The following PTPRT variants were observed in gnomAD, a reference collection of about 807,000 sequenced individuals.
PTPRT encodes protein tyrosine phosphatase receptor type T, also known as receptor-type tyrosine-protein phosphatase T.
In PTPRT, 56 loss-of-function variants were observed where a neutral mutation model predicts 176.8. The ratio of observed to expected loss-of-function variants is 0.32; its 90% CI spans 0.26 to 0.40. The LOEUF is 0.40. PTPRT is among the 10% of genes least tolerant of loss of function. PTPRT has a pLI of 1.00. For missense variants in PTPRT, 1,540 were observed against 1,908.2 expected (o/e 0.81, Z 3.60); for synonymous variants, 783 against 739.0 (o/e 1.06, Z -0.96).
chr20:42,052,216 G>C, the PTPRT span, among the ~76,000 whole-genome samples: 97,338 of 152,044 alleles, frequency 0.64, 32,482 homozygotes, highest in African/African-American at 0.83. Context: ...CTGGGACCCA[G>C]AAGACCTGGA....
chr20:42,827,528 C>G (rs1223046987), intron 2 of PTPRT, among the ~76,000 whole-genome samples: 1 of 152,066 alleles, frequency 6.6e-6, no homozygotes, highest in Admixed American at 6.5e-5. Context: ...TACAACATAC[C>G]AGAATCTCTG....
chr20:42,579,342 T>C (rs2073329041), intron 7 of PTPRT, among the ~76,000 whole-genome samples: 1 of 152,174 alleles, frequency 6.6e-6, no homozygotes, highest in Non-Finnish European at 1.5e-5. Flanking sequence ...AAGTCTTTGC[T>C]ATTGTGAATA....
chr20:42,477,210 A>T (rs1290900474), intron 7 of PTPRT, among the ~76,000 whole-genome samples: 1 of 152,060 alleles, frequency 6.6e-6, no homozygotes, highest in Admixed American at 6.5e-5. Flanking sequence ...GCTGCAACAG[A>T]CCATGTTCTG....
intron 7 of PTPRT, among the ~76,000 whole-genome samples, chr20:42,643,540 C>A (rs774306088): frequency 2.6e-5 from 4 of 151,204 alleles, no homozygotes; most frequent in Non-Finnish European, 5.9e-5. Flanking sequence ...TGGTCTCAAG[C>A]TCCTGGGCTC....
intron 15 of PTPRT, among the ~76,000 whole-genome samples, chr20:42,218,624 C>T (rs1192727938): frequency 6.6e-6 from 1 of 152,188 alleles, no homozygotes; most frequent in African/African-American, 2.4e-5. Context: ...CTCCCAAGCA[C>T]AGAAAGCTGG....
intron 7 of PTPRT, among the ~76,000 whole-genome samples, chr20:42,592,196 C>T (rs1478407409): frequency 2.6e-5 from 4 of 150,998 alleles, no homozygotes; most frequent in East Asian, 2.0e-4. Flanking sequence ...AGGATGTTCT[C>T]GATCTCCTGA....
chr20:42,730,514 G>A (rs1045984605), intron 6 of PTPRT, among the ~76,000 whole-genome samples: 2 of 152,204 alleles, frequency 1.3e-5, no homozygotes, highest in Non-Finnish European at 2.9e-5. Flanking sequence ...ATAGAGCAAA[G>A]GGAATTGGAA....
intron 8 of PTPRT, 106 bp downstream of exon 8, chr20:42,472,160 G>A (rs2099348773): frequency 3.9e-6 from 5 of 1,279,958 alleles, no homozygotes; most frequent in South Asian, 1.5e-5. Context: ...GTGTGTGTGA[G>A]GGAATTAAAA....
chr20:42,288,719 G>A (rs1360566455), intron 12 of PTPRT, among the ~76,000 whole-genome samples: 1 of 151,974 alleles, frequency 6.6e-6, no homozygotes, highest in East Asian at 1.9e-4. Flanking sequence ...TGGCTGCATA[G>A]TATTCCATGG....
intron 7 of PTPRT, among the ~76,000 whole-genome samples, chr20:42,594,452 G>T (rs1194691138): frequency 6.6e-6 from 1 of 152,120 alleles, no homozygotes; most frequent in Non-Finnish European, 1.5e-5. Context: ...GGACAGAAAA[G>T]AATGTTGCCA....
chr20:42,375,863 G>A (rs1437053990), intron 9 of PTPRT, among the ~76,000 whole-genome samples: 1 of 152,050 alleles, frequency 6.6e-6, no homozygotes, highest in African/African-American at 2.4e-5. Context: ...TCCCATTAAA[G>A]CAAAAAACAA....
chr20:42,201,950 C>CGTGTGTGTGTGTGTGTGT (rs11468258), intron 15 of PTPRT, among the ~76,000 whole-genome samples: 2,959 of 143,140 alleles, frequency 0.021, 62 homozygotes, highest in African/African-American at 0.031. Context: ...AGAAAAGTTG[C>CGTGTGTGTGTGTGTGTGT]GTGTGTGTGT....
At chr20:42,876,139 G>C (rs1040220204) in intron 2 of PTPRT, among the ~76,000 whole-genome samples, 2 of 151,890 alleles carry the variant, frequency 1.3e-5, no homozygotes, top group Non-Finnish European at 2.9e-5. Context: ...GGTGGAGAGA[G>C]GTAACTTATA....
intron 1 of PTPRT, among the ~76,000 whole-genome samples, chr20:42,948,071 G>A (rs1180647660): frequency 6.6e-6 from 1 of 152,026 alleles, no homozygotes; most frequent in Non-Finnish European, 1.5e-5. Context: ...CTCCCTCTTC[G>A]TATCCTTCCC....
chr20:42,402,483 T>TAA (rs3061921), intron 9 of PTPRT, among the ~76,000 whole-genome samples: 54 of 95,142 alleles, frequency 5.7e-4, no homozygotes, highest in African/African-American at 1.8e-3. Context: ...ATAGTGCAGT[T>TAA]AAAAAAAAAA....
intron 4 of PTPRT, among the ~76,000 whole-genome samples, chr20:42,776,832 T>C (rs11697557): frequency 0.12 from 17,179 of 148,404 alleles, 1,119 homozygotes; most frequent in South Asian, 0.21. Context: ...ATTTATATAA[T>C]ATATACTTCT....
chr20:43,183,125 G>A (rs1315662927), intron 1 of PTPRT, among the ~76,000 whole-genome samples: 3 of 152,190 alleles, frequency 2.0e-5, no homozygotes, highest in African/African-American at 7.2e-5. Context: ...GTCAAGACTT[G>A]ATAGTCTTAA....
chr20:42,119,812 G>T (rs1987490575), intron 20 of PTPRT, 123 bp downstream of exon 20: 1 of 853,382 alleles, frequency 1.2e-6, no homozygotes, highest in Non-Finnish European at 1.8e-6. Context: ...GGGCTGTTTA[G>T]TGAAAAAGGA....
intron 7 of PTPRT, among the ~76,000 whole-genome samples, chr20:42,670,504 C>T (rs150979277): frequency 2.0e-5 from 3 of 152,080 alleles, no homozygotes; most frequent in Non-Finnish European, 2.9e-5. Flanking sequence ...CTTTTTTATC[C>T]CCCTGGAGAA....
Sources: gnomAD v4.1 joint callset for allele counts (sites outside exome capture counted in the v4.1 genomes callset) on GRCh38, gnomAD v4.1.1 for gene constraint, MANE v1.5 for transcripts, NCBI Gene and HGNC (gene_info 2026-07-23, HGNC 2026-07-21) for gene names.